Variants in VMA12 observed in about 807,000 individuals in gnomAD.
VMA12 encodes the protein vacuolar ATPase assembly factor VMA12.
chr17:28,360,593 C>A, the VMA12 span: 2 of 1,613,978 alleles, frequency 1.2e-6, no homozygotes, highest in Admixed American at 3.3e-5. Context: ...GGAGATCAGG[C>A]TTCTAAAACC....
At chr17:28,362,642 C>T in the VMA12 span, 1 of 152,170 alleles carries the variant, frequency 6.6e-6, no homozygotes, top group Non-Finnish European at 1.5e-5. Flanking sequence ...TACAAAAAAA[C>T]GCAGAAATTA....
At chr17:28,359,283 A>G in the VMA12 span, 3 of 1,610,140 alleles carry the variant, frequency 1.9e-6, no homozygotes, top group South Asian at 1.1e-5. Context: ...AGCTGGGAAT[A>G]TCATTCTTCT....
chr17:28,361,055 C>A, the VMA12 span: 1 of 1,185,832 alleles, frequency 8.4e-7, no homozygotes. Context: ...CCTCCCCCAA[C>A]TTAGAGGGTG....
the VMA12 span, chr17:28,359,011 G>T: frequency 1.4e-5 from 22 of 1,589,820 alleles, no homozygotes; most frequent in Admixed American, 2.4e-4. Flanking sequence ...ATATGTTTGT[G>T]AGAGTGGTTA....
At chr17:28,362,603 GC>G in the VMA12 span, 1 of 152,210 alleles carries the variant, frequency 6.6e-6, no homozygotes, top group South Asian at 2.1e-4. Context: ...TTTGAGACCA[GC>G]CTGGGCAACA....
chr17:28,357,919 G>GT, the VMA12 span: 1 of 1,607,614 alleles, frequency 6.2e-7, no homozygotes, highest in East Asian at 2.2e-5. Flanking sequence ...CCCTCCTTGT[G>GT]TCCAGATCGA....
the VMA12 span, chr17:28,357,970 C>T: frequency 7.2e-7 from 1 of 1,391,380 alleles, no homozygotes; most frequent in Non-Finnish European, 1.0e-6. Context: ...CCTTCTTCTA[C>T]GGAGCACTCA....
At chr17:28,359,484 GA>G in the VMA12 span, 3 of 1,376,078 alleles carry the variant, frequency 2.2e-6, no homozygotes, top group African/African-American at 4.4e-5. Flanking sequence ...ACAGAGTTTA[GA>G]AAAAACATGG....
the VMA12 span, chr17:28,357,687 T>G: frequency 6.2e-7 from 1 of 1,612,684 alleles, no homozygotes; most frequent in Non-Finnish European, 8.5e-7. Context: ...TCCTCTTTGC[T>G]TGCGGGCGAG....
the VMA12 span, chr17:28,360,240 T>G: frequency 1.0e-5 from 3 of 295,572 alleles, no homozygotes; most frequent in South Asian, 1.2e-4. Context: ...GATTACAAGG[T>G]GAGCCACTGT....
the VMA12 span, chr17:28,361,285 T>C: frequency 2.5e-6 from 4 of 1,607,784 alleles, no homozygotes; most frequent in South Asian, 2.2e-5. Context: ...AGAGAAGACT[T>C]TGGGGGCTTC....
the VMA12 span, chr17:28,358,101 C>T: frequency 1.7e-6 from 1 of 581,432 alleles, no homozygotes; most frequent in Non-Finnish European, 3.1e-6. Flanking sequence ...AGAGCCCCCT[C>T]TTCACTTCCA....
chr17:28,363,347 A>G, the VMA12 span: 1 of 152,066 alleles, frequency 6.6e-6, no homozygotes, highest in African/African-American at 2.4e-5. Flanking sequence ...AAACCCTTCA[A>G]TTAACTATCC....
the VMA12 span, chr17:28,360,365 G>A: frequency 1.6e-6 from 1 of 634,020 alleles, no homozygotes; most frequent in Non-Finnish European, 2.7e-6. Flanking sequence ...TCTCCGAAAT[G>A]CCTGCTCTGT....
chr17:28,360,742 A>G, the VMA12 span: 7 of 1,613,994 alleles, frequency 4.3e-6, no homozygotes, highest in Non-Finnish European at 5.9e-6. Context: ...AAGTGAGATC[A>G]TTGAAGGCTC....
chr17:28,357,912 T>C, the VMA12 span: 1 of 1,610,694 alleles, frequency 6.2e-7, no homozygotes, highest in Non-Finnish European at 8.5e-7. Flanking sequence ...CGGGGTCCCC[T>C]CCTTGTGTCC....
At chr17:28,359,401 T>G in the VMA12 span, 2 of 1,613,968 alleles carry the variant, frequency 1.2e-6, no homozygotes, top group Non-Finnish European at 1.7e-6. Flanking sequence ...ACGTCACTTG[T>G]CAGGTAAGGA....
the VMA12 span, chr17:28,361,310 A>G: frequency 6.5e-7 from 1 of 1,534,890 alleles, no homozygotes; most frequent in Non-Finnish European, 9.0e-7. Flanking sequence ...TCCAATTGGC[A>G]GTCACCGACT....
At chr17:28,357,859 G>A in the VMA12 span, 1 of 1,614,050 alleles carries the variant, frequency 6.2e-7, no homozygotes. Flanking sequence ...TCCGGGATCT[G>A]CACCAGCATC....
Sources: allele counts gnomAD v4.1 joint callset, GRCh38; gene constraint gnomAD v4.1.1; transcripts MANE v1.5; gene names NCBI Gene and HGNC (gene_info 2026-07-23, HGNC 2026-07-21).